Variants in ZDHHC14 observed in about 807,000 individuals in gnomAD.
ZDHHC14 encodes palmitoyltransferase ZDHHC14.
A neutral mutation model predicts 47.7 loss-of-function variants in ZDHHC14; 16 were observed. That is an observed-to-expected ratio of 0.34 (90% CI 0.23 to 0.51). The LOEUF (loss-of-function observed/expected upper bound fraction) is 0.51, where lower values mean the gene tolerates loss of function less well. Ranked by LOEUF, ZDHHC14 falls within the 20% of genes least tolerant of loss-of-function variation. The pLI is 0.97. For synonymous variants in ZDHHC14, 293 were observed against 278.9 expected (o/e 1.05, Z -0.50); for missense variants, 515 against 662.5 (o/e 0.78, Z 2.44).
chr6:157,623,901 C>T (rs1472893437), intron 3 of ZDHHC14, among the ~76,000 whole-genome samples: 1 of 152,098 alleles, frequency 6.6e-6, no homozygotes, highest in African/African-American at 2.4e-5. Flanking sequence ...GTATAAAGAC[C>T]ACTCCCTTTT....
intron 3 of ZDHHC14, among the ~76,000 whole-genome samples, chr6:157,621,270 A>T (rs1225340652): frequency 6.6e-6 from 1 of 152,158 alleles, no homozygotes; most frequent in African/African-American, 2.4e-5. Flanking sequence ...GTACCACTGG[A>T]TCTCAACTTT....
chr6:157,447,880 A>AT (rs1480321360), intron 1 of ZDHHC14, among the ~76,000 whole-genome samples: 1 of 151,828 alleles, frequency 6.6e-6, no homozygotes, highest in Non-Finnish European at 1.5e-5. Context: ...AACTGTTGTT[A>AT]TTTTTTTGAG....
intron 2 of ZDHHC14, among the ~76,000 whole-genome samples, chr6:157,554,200 T>C (rs941418475): frequency 4.6e-5 from 7 of 152,238 alleles, no homozygotes; most frequent in Non-Finnish European, 8.8e-5. Context: ...GAAGTCTAAG[T>C]GTCCTGGAGT....
chr6:157,508,184 A>T (rs913741335), intron 1 of ZDHHC14, among the ~76,000 whole-genome samples: 3 of 152,188 alleles, frequency 2.0e-5, no homozygotes, highest in Admixed American at 6.5e-5. Context: ...TTCTCAAATG[A>T]TGATCAATCA....
At chr6:157,515,214 C>T (rs950250805) in intron 1 of ZDHHC14, among the ~76,000 whole-genome samples, 2 of 152,096 alleles carry the variant, frequency 1.3e-5, no homozygotes, top group Non-Finnish European at 2.9e-5. Flanking sequence ...TTGAGCATAT[C>T]GCTGGTGACC....
At chr6:157,566,852 T>TA (rs1782923487) in intron 2 of ZDHHC14, among the ~76,000 whole-genome samples, 1 of 140,624 alleles carries the variant, frequency 7.1e-6, no homozygotes, top group East Asian at 2.0e-4. Context: ...AAGGGGAATT[T>TA]TTTTTTTTTT....
At chr6:157,521,099 G>A (rs780498222) in intron 1 of ZDHHC14, among the ~76,000 whole-genome samples, 6 of 152,194 alleles carry the variant, frequency 3.9e-5, no homozygotes, top group Admixed American at 6.5e-5. Context: ...CAGTGGATGC[G>A]CAGATGTTTA....
intron 2 of ZDHHC14, among the ~76,000 whole-genome samples, chr6:157,563,829 G>A (rs1782803658): frequency 6.6e-6 from 1 of 152,220 alleles, no homozygotes; most frequent in Non-Finnish European, 1.5e-5. Context: ...CAGTTGCATT[G>A]CAGTTCTGGG....
At chr6:157,566,580 A>G (rs185703993) in intron 2 of ZDHHC14, among the ~76,000 whole-genome samples, 497 of 152,292 alleles carry the variant, frequency 3.3e-3, no homozygotes, top group African/African-American at 0.011. Flanking sequence ...CTTTCAGGGT[A>G]GGTCCGAATG....
At chr6:157,626,685 C>T (rs762743230) in intron 3 of ZDHHC14, among the ~76,000 whole-genome samples, 17 of 152,194 alleles carry the variant, frequency 1.1e-4, no homozygotes, top group Admixed American at 7.2e-4. Flanking sequence ...TATCATGCAA[C>T]GTCCACAGTT....
intron 1 of ZDHHC14, among the ~76,000 whole-genome samples, chr6:157,432,592 C>A (rs1259419889): frequency 6.6e-6 from 1 of 152,210 alleles, no homozygotes; most frequent in Non-Finnish European, 1.5e-5. Context: ...GAGGTGGTTT[C>A]TTGGATCATT....
intron 1 of ZDHHC14, among the ~76,000 whole-genome samples, chr6:157,538,454 T>A (rs762684593): frequency 2.6e-4 from 40 of 152,236 alleles, no homozygotes; most frequent in Non-Finnish European, 7.3e-5. Flanking sequence ...ACTCTCCTCC[T>A]CTTTCAGGTG....
intron 1 of ZDHHC14, among the ~76,000 whole-genome samples, chr6:157,408,678 G>A (rs1446758211): frequency 6.6e-6 from 1 of 152,130 alleles, no homozygotes; most frequent in Non-Finnish European, 1.5e-5. Context: ...TGGCATATAT[G>A]TACCACATTT....
chr6:157,428,139 G>A (rs1253074430), intron 1 of ZDHHC14, among the ~76,000 whole-genome samples: 2 of 152,132 alleles, frequency 1.3e-5, no homozygotes, highest in East Asian at 1.9e-4. Flanking sequence ...GGAGAGTGCC[G>A]CAAAGGCAGT....
intron 1 of ZDHHC14, among the ~76,000 whole-genome samples, chr6:157,466,625 G>A (rs1272568283): frequency 6.6e-6 from 1 of 152,140 alleles, no homozygotes; most frequent in Non-Finnish European, 1.5e-5. Context: ...ATCACCTGAG[G>A]CCAGGAGTTC....
chr6:157,537,490 T>C (rs9505866), intron 1 of ZDHHC14, among the ~76,000 whole-genome samples: 30,179 of 152,258 alleles, frequency 0.2, 5,144 homozygotes, highest in African/African-American at 0.46. Flanking sequence ...CATTTTAGTA[T>C]CCGGTGCTAA....
chr6:157,505,269 C>T (rs778290394), intron 1 of ZDHHC14, among the ~76,000 whole-genome samples: 2 of 152,138 alleles, frequency 1.3e-5, no homozygotes, highest in Non-Finnish European at 2.9e-5. Context: ...GGGATCTAAT[C>T]TTTAGTTGGG....
chr6:157,619,061 C>T (rs1445325680), intron 3 of ZDHHC14, among the ~76,000 whole-genome samples: 1 of 152,084 alleles, frequency 6.6e-6, no homozygotes, highest in East Asian at 1.9e-4. Context: ...CCGGCCTCTG[C>T]AGTGCACACT....
intron 3 of ZDHHC14, among the ~76,000 whole-genome samples, chr6:157,595,992 C>T (rs1008509999): frequency 5.9e-5 from 9 of 152,188 alleles, no homozygotes; most frequent in African/African-American, 1.7e-4. Context: ...CCGCAAGCCG[C>T]GGCCTCTGAG....
Sources: gnomAD v4.1 joint callset for allele counts (sites outside exome capture counted in the v4.1 genomes callset) on GRCh38, gnomAD v4.1.1 for gene constraint, MANE v1.5 for transcripts, NCBI Gene and HGNC (gene_info 2026-07-23, HGNC 2026-07-21) for gene names.